The following CEP192 variants were observed in gnomAD, a reference collection of about 807,000 sequenced individuals.
CEP192 encodes centrosomal protein 192.
CEP192 carries 151 observed loss-of-function variants against 271.8 expected under a neutral mutation model. The ratio of observed to expected loss-of-function variants is 0.56; its 90% CI spans 0.49 to 0.64. The LOEUF (loss-of-function observed/expected upper bound fraction) is 0.64. Ranked by LOEUF, CEP192 falls within the 30% of genes least tolerant of loss-of-function variation. CEP192 has a pLI of 0.00. For missense variants in CEP192, 2,910 were observed against 3,020.5 expected (o/e 0.96, Z 0.86); for synonymous variants, 995 against 1,076.5 (o/e 0.92, Z 1.48).
At chr18:13,070,296 T>C (rs1316634716) in intron 27 of CEP192, among the ~76,000 whole-genome samples, 1 of 152,256 alleles carries the variant, frequency 6.6e-6, no homozygotes, top group African/African-American at 2.4e-5. Flanking sequence ...TTTAATCTCC[T>C]TTCATTTAGG....
intron 3 of CEP192, among the ~76,000 whole-genome samples, chr18:13,002,472 A>G (rs563477432): frequency 6.6e-6 from 1 of 152,302 alleles, no homozygotes; most frequent in Non-Finnish European, 1.5e-5. Context: ...ACTTCCCTAC[A>G]TGTACATTTA....
intron 33 of CEP192, among the ~76,000 whole-genome samples, chr18:13,090,837 A>C (rs2039108387): frequency 6.6e-6 from 1 of 152,168 alleles, no homozygotes; most frequent in South Asian, 2.1e-4. Context: ...GAACACTAAC[A>C]CTTAGTAACA....
In CEP192 at chr18:13,052,912, C is replaced by A; in HGVS notation, c.3018-7C>A. On this transcript the variant is annotated splice_region_variant and splice_polypyrimidine_tract_variant and intron_variant, in intron 17 of 44. Coordinates refer to ENST00000506447, the MANE Select transcript of CEP192 (RefSeq NM_032142.4). ...AACTCCAGGTGTGAGCTACTCTTCT[C>A]TTTCAGGTGTGCGTTAGAGTCCTTT... is the stretch of plus-strand genomic sequence containing the variant. The A allele has an allele frequency of 6.5e-7, 1 of 1,534,732 alleles. No individual in the cohort carries two copies. Among genetic ancestry groups the A allele is most frequent in the Non-Finnish European group, 8.8e-7 (1 of 1,132,218 alleles).
At chr18:13,064,928 A>G (rs1481663817) in intron 21 of CEP192, among the ~76,000 whole-genome samples, 1 of 151,876 alleles carries the variant, frequency 6.6e-6, no homozygotes, top group Non-Finnish European at 1.5e-5. Flanking sequence ...ATGTTTTTCT[A>G]TTTTTTTGTG....
At chr18:13,039,455 CA>C (rs61448797) in intron 13 of CEP192, among the ~76,000 whole-genome samples, 125,768 of 134,198 alleles carry the variant, frequency 0.94, 58,927 homozygotes, top group East Asian at 0.97. Context: ...GACTCCATCT[CA>C]AAAAAAAAAA....
At chr18:13,036,616 C>A (rs568123216) in intron 11 of CEP192, among the ~76,000 whole-genome samples, 1 of 152,102 alleles carries the variant, frequency 6.6e-6, no homozygotes, top group Non-Finnish European at 1.5e-5. Flanking sequence ...TCCACCACTC[C>A]CAGTTGTGTT....
chr18:13,120,991 G>A (rs1029607598), intron 44 of CEP192, among the ~76,000 whole-genome samples: 4 of 152,200 alleles, frequency 2.6e-5, no homozygotes, highest in Admixed American at 6.5e-5. Context: ...GAAGCAGCAG[G>A]ACAGTAGAGG....
At chr18:13,069,248 G>A in intron 26 of CEP192, 67 bp downstream of exon 26, 2 of 1,332,004 alleles carry the variant, frequency 1.5e-6, no homozygotes, top group Non-Finnish European at 2.2e-6. Context: ...CTTGCTTTCT[G>A]CAGGCTGTTG....
intron 32 of CEP192, chr18:13,088,848 T>G: frequency 2.3e-6 from 1 of 434,792 alleles, no homozygotes; most frequent in Non-Finnish European, 4.6e-6. Context: ...GAACCTGGTT[T>G]TGTTTCTTAA....
intron 28 of CEP192, among the ~76,000 whole-genome samples, chr18:13,072,217 A>G (rs1419940986): frequency 6.6e-6 from 1 of 152,212 alleles, no homozygotes; most frequent in East Asian, 1.9e-4. Flanking sequence ...GCATTCACAT[A>G]GTTTCCACAA....
chr18:13,111,250 G>A (rs1332009016), intron 40 of CEP192, among the ~76,000 whole-genome samples: 1 of 152,078 alleles, frequency 6.6e-6, no homozygotes. Context: ...TCAGCCTCCC[G>A]AGTAGCTGGG....
In CEP192 at chr18:13,095,521, G is replaced by A. The variant is rs1363450973; in HGVS notation, c.6273G>A (p.Gly2091=). ...LESTSDLGAS[G]KHGGNVSLDV... ...TTTTTAGCGACTTGGGAGCTTCTGG[G>A]AAACATGGTGGCAACGTCTCTTTGG... Residue 2091 remains glycine, a synonymous_variant, in exon 35 of 45, where the codon GGG becomes GGA. Coordinates refer to ENST00000506447, the MANE Select transcript of CEP192 (RefSeq NM_032142.4). 2.5e-6 allele frequency: 4 copies of A among 1,609,498 alleles called. No individual in the cohort carries two copies. The Admixed American group carries it at 5.1e-5, about 20-fold the overall frequency.
intron 22 of CEP192, 49 bp downstream of exon 22, chr18:13,068,005 T>C (rs1176724015): frequency 1.2e-6 from 2 of 1,602,732 alleles, no homozygotes; most frequent in South Asian, 2.2e-5. Context: ...GCACTGATCT[T>C]ATGAAAGTAC....
chr18:13,087,571 A>G lies in CEP192; in HGVS notation c.5918A>G (p.Asn1973Ser). The change falls in exon 32 of 45, where the codon AAT becomes AGT. Residue 1973 changes from asparagine to serine, a missense_variant. Physicochemically the swap from Asn to Ser is conservative, Grantham distance 46. Transcript: ENST00000506447. ...TATAATCCATCAGACAGAGGAATCAATAATAAAACTGCAACAGAACTATCA... is the reference window on the plus strand; with the variant it reads ...TATAATCCATCAGACAGAGGAATCAGTAATAAAACTGCAACAGAACTATCA... ...LIYNPSDRGI[N>S]NKTATELSTV... is the part of the protein sequence containing the mutation. 3 of 1,578,582 alleles carry G rather than the reference A, an allele frequency of 1.9e-6. No individual in the cohort carries two copies. Among genetic ancestry groups the G allele is most frequent in the Non-Finnish European group, 2.6e-6 (3 of 1,160,258 alleles).
At chr18:13,032,086 G>A (rs762744308) in intron 11 of CEP192, among the ~76,000 whole-genome samples, 6 of 152,186 alleles carry the variant, frequency 3.9e-5, no homozygotes, top group African/African-American at 7.2e-5. Context: ...TCTGGAAAGC[G>A]TCAGGACTCG....
At chr18:13,084,728 C>T (rs74774069) in intron 30 of CEP192, among the ~76,000 whole-genome samples, 8 of 152,066 alleles carry the variant, frequency 5.3e-5, no homozygotes, top group African/African-American at 1.7e-4. Flanking sequence ...AGCTGCAGAC[C>T]GGAGCTGTTC....
intron 21 of CEP192, among the ~76,000 whole-genome samples, chr18:13,062,955 A>G (rs2037490281): frequency 6.6e-6 from 1 of 152,108 alleles, no homozygotes; most frequent in Non-Finnish European, 1.5e-5. Context: ...ATTTTTAGAA[A>G]CCAGAAATAA....
At chr18:13,030,705 C>A in intron 11 of CEP192, 97 bp downstream of exon 11, 1 of 916,830 alleles carries the variant, frequency 1.1e-6, no homozygotes, top group Non-Finnish European at 1.7e-6. Context: ...CAGATCCCTT[C>A]TGGACTATCA....
chr18:13,083,151 AAT>A (rs1331057894), intron 30 of CEP192, among the ~76,000 whole-genome samples: 1 of 152,064 alleles, frequency 6.6e-6, no homozygotes. Context: ...GTATTTCCTG[AAT>A]TTGAATGTTG....
Sources: gnomAD v4.1 joint callset for allele counts (sites outside exome capture counted in the v4.1 genomes callset) on GRCh38, gnomAD v4.1.1 for gene constraint, MANE v1.5 for transcripts, NCBI Gene and HGNC (gene_info 2026-07-23, HGNC 2026-07-21) for gene names.